GLI2: variants seen among roughly 807,000 people sequenced by gnomAD.
GLI2 encodes the protein GLI family zinc finger 2, also known as transcription activator GLI2.
GLI2 carries 22 observed loss-of-function variants against 78.9 expected under a neutral mutation model. That is an observed-to-expected ratio of 0.28 (90% confidence interval 0.20 to 0.40). The LOEUF (loss-of-function observed/expected upper bound fraction) is 0.40. GLI2 is among the 10% of genes least tolerant of loss of function. The pLI, the probability that GLI2 is intolerant of heterozygous loss-of-function variation, is 1.00. For synonymous variants in GLI2, 974 were observed against 963.7 expected, an observed-to-expected ratio of 1.01 and a Z score of -0.20; for missense variants, 2,097 against 2,213.2, an observed-to-expected ratio of 0.95 and a Z score of 1.05.
chr2:120,964,561 C>T (rs1681740898), intron 5 of GLI2, among the ~76,000 whole-genome samples: 1 of 152,184 alleles, frequency 6.6e-6, no homozygotes, highest in Admixed American at 6.5e-5. Context: ...CGTAAGTGGG[C>T]TCCATTGTGG....
intron 7 of GLI2, among the ~76,000 whole-genome samples, chr2:120,971,188 T>C (rs114094859): frequency 0.013 from 2,039 of 152,356 alleles, 48 homozygotes; most frequent in African/African-American, 0.045. Flanking sequence ...TCTCGCAGCC[T>C]GAGCTAACTT....
intron 2 of GLI2, among the ~76,000 whole-genome samples, chr2:120,897,278 GCATGGGCCC>G (rs1292440253): frequency 6.6e-6 from 1 of 152,238 alleles, no homozygotes; most frequent in Non-Finnish European, 1.5e-5. Context: ...CTCTGAAACA[GCATGGGCCC>G]CTGCTCCCTG....
chr2:120,872,354 C>G lies in GLI2; in HGVS notation c.149-55007C>G, dbSNP rs544761997. On this transcript the variant is annotated intron_variant, in intron 2 of 13. Coordinates refer to ENST00000361492, the MANE Select transcript of GLI2 (RefSeq NM_001374353.1). ...AATTAACCAGCTTACAGTGGGGTCC[C>G]CTGGAATGGTGCACTCCCCAGTGAG... is the stretch of plus-strand genomic sequence containing the variant. Among the ~76,000 whole-genome samples the G allele has an allele frequency of 2.0e-5, 3 of 152,306 alleles. No homozygotes were observed. In the South Asian group the frequency reaches 6.2e-4, roughly 32 times the overall value.
At chr2:120,748,954 ATCCATCCATCCT>A (rs1429009511) in intron 1 of GLI2, among the ~76,000 whole-genome samples, 1 of 151,962 alleles carries the variant, frequency 6.6e-6, no homozygotes, top group Admixed American at 6.6e-5. Context: ...CCATCCATCC[ATCCATCCATCCT>A]TCCACCCATC....
chr2:120,839,439 A>T (rs541997172), intron 2 of GLI2, among the ~76,000 whole-genome samples: 2 of 152,232 alleles, frequency 1.3e-5, no homozygotes, highest in East Asian at 1.9e-4. Context: ...TGTCTTCAGG[A>T]ATGTGTTCAT....
chr2:120,937,321 T>C (rs1166179433), intron 3 of GLI2, among the ~76,000 whole-genome samples: 1 of 152,142 alleles, frequency 6.6e-6, no homozygotes, highest in African/African-American at 2.4e-5. Flanking sequence ...AGCAGTGAAG[T>C]CAGGACTTTT....
At chr2:120,756,069 A>G (rs1017724960) in intron 1 of GLI2, among the ~76,000 whole-genome samples, 2 of 152,140 alleles carry the variant, frequency 1.3e-5, no homozygotes, top group Non-Finnish European at 2.9e-5. Context: ...TTGCATTTTC[A>G]TATGAATTTT....
intron 3 of GLI2, among the ~76,000 whole-genome samples, chr2:120,930,303 G>A (rs139229623): frequency 9.8e-5 from 15 of 152,298 alleles, no homozygotes; most frequent in African/African-American, 2.4e-4. Flanking sequence ...TGTTCATGCC[G>A]TTTAATCTTC....
At position 120,748,478 on chromosome 2, in the gene GLI2, A is replaced by AG. The variant is rs200179326; in HGVS notation, c.-31+12196dup. ...GGGCAATCTGGGCAGAGGACCTCAT[A>AG]GGGCAAGTGCTGGACAGGGTGTGGC... On this transcript the variant is annotated intron_variant, in intron 1 of 13. Coordinates refer to ENST00000361492, the MANE Select transcript of GLI2 (RefSeq NM_001374353.1). Among the ~76,000 whole-genome samples, 1,145 of 152,270 alleles carry AG rather than the reference A, an allele frequency of 7.5e-3. 14 individuals are homozygous for AG. Among genetic ancestry groups the AG allele is most frequent in the African/African-American group, 0.026 (1,077 of 41,556 alleles).
At chr2:120,810,681 T>C (rs1227257391) in intron 2 of GLI2, among the ~76,000 whole-genome samples, 2 of 152,330 alleles carry the variant, frequency 1.3e-5, no homozygotes, top group Admixed American at 6.5e-5. Flanking sequence ...ATCTTCTCGA[T>C]AGAAACTGAG....
At chr2:120,942,231 A>G (rs79443056) in intron 3 of GLI2, among the ~76,000 whole-genome samples, 3,814 of 152,144 alleles carry the variant, frequency 0.025, 172 homozygotes, top group African/African-American at 0.088. Flanking sequence ...CAATAGAAAT[A>G]TGTTCTCTCG....
Position 120,859,843 on chromosome 2 carries a change from G to A in GLI2, c.148+62375G>A, listed in dbSNP as rs998746045. ...ACAATCTCAGCTCACTGCAACCTCC[G>A]CCTCCTGGCCTCTTGGCCAGGCTGG... is the stretch of plus-strand genomic sequence containing the variant. On this transcript the variant is annotated intron_variant, in intron 2 of 13. Transcript: ENST00000361492. 4.0e-5 allele frequency among the ~76,000 whole-genome samples: 6 copies of A among 149,358 alleles called. 1 individual carries two copies. Among genetic ancestry groups the A allele is most frequent in the Non-Finnish European group, 8.9e-5 (6 of 67,696 alleles).
chr2:120,813,272 G>A (rs994167011), intron 2 of GLI2, among the ~76,000 whole-genome samples: 16 of 152,240 alleles, frequency 1.1e-4, no homozygotes, highest in African/African-American at 3.6e-4. Flanking sequence ...CTGTGCTGTG[G>A]TTCTAAGAGC....
At chr2:120,852,085 C>T (rs1687431585) in intron 2 of GLI2, among the ~76,000 whole-genome samples, 1 of 152,166 alleles carries the variant, frequency 6.6e-6, no homozygotes, top group South Asian at 2.1e-4. Context: ...TGACTCCACA[C>T]TAAGGGCGAG....
Position 120,921,419 on chromosome 2 carries a change from C to G in GLI2, c.149-5942C>G, listed in dbSNP as rs537608173. 2.0e-3 allele frequency among the ~76,000 whole-genome samples: 310 copies of G among 152,242 alleles called. 1 individual carries two copies. The highest frequency in any genetic ancestry group is 3.4e-3 in the Middle Eastern group (1 of 294). On this transcript the variant is annotated intron_variant, in intron 2 of 13. Transcript: ENST00000361492. ...TGAGCCAGCATCTGCACCCAGAGCC[C>G]TGGTCTGGGCCTGCTCAGGAGGTCC... is the stretch of plus-strand genomic sequence containing the variant.
chr2:120,986,267 G>A lies in GLI2; in HGVS notation c.1906-11G>A, dbSNP rs769187484. 1.5e-5 allele frequency: 24 copies of A among 1,611,624 alleles called. No individual in the cohort carries two copies. Among genetic ancestry groups the A allele is most frequent in the Middle Eastern group, 1.7e-4 (1 of 6,060 alleles). ...CTCTGAGTCTGAGCCTTCTTGCCTC[G>A]TCCCCTGCAGCTGTGTCAGTCCAGC... On this transcript the variant is annotated splice_polypyrimidine_tract_variant and intron_variant, in intron 12 of 13. Transcript: ENST00000361492.
intron 1 of GLI2, chr2:120,792,317 T>C (rs917856300): frequency 5.3e-5 from 8 of 152,218 alleles, no homozygotes; most frequent in Admixed American, 5.2e-4. Context: ...ATGCTATAAA[T>C]GCATAGAAGA....
intron 2 of GLI2, among the ~76,000 whole-genome samples, chr2:120,897,484 G>A (rs1297798836): frequency 6.6e-6 from 1 of 152,216 alleles, no homozygotes; most frequent in African/African-American, 2.4e-5. Context: ...ATGGTAAGTT[G>A]AGGAGTAAAT....
chr2:120,861,116 A>G (rs1043134769), intron 2 of GLI2, among the ~76,000 whole-genome samples: 3 of 152,078 alleles, frequency 2.0e-5, no homozygotes, highest in Non-Finnish European at 4.4e-5. Flanking sequence ...GAGCCCATTT[A>G]CCCTCTGCAA....
Sources: allele counts gnomAD v4.1 joint callset (sites outside exome capture counted in the v4.1 genomes callset), GRCh38; gene constraint gnomAD v4.1.1; transcripts MANE v1.5; gene names NCBI Gene and HGNC (gene_info 2026-07-23, HGNC 2026-07-21).